The following KCNMB2 variants were observed in gnomAD, a reference collection of about 807,000 sequenced individuals.
The protein encoded by KCNMB2 is potassium calcium-activated channel subfamily M regulatory beta subunit 2.
Under a neutral mutation model 24.5 loss-of-function variants are expected in KCNMB2, and 9 were observed. That is an observed-to-expected ratio of 0.37 (90% CI 0.22 to 0.64). KCNMB2 has a LOEUF of 0.64. Among genes scored for constraint, KCNMB2 ranks in the 30% least tolerant of loss-of-function variants. The pLI is 0.63. For missense variants in KCNMB2, 226 were observed against 284.3 expected (o/e 0.79, Z 1.47); for synonymous variants, 109 against 104.4 (o/e 1.04, Z -0.27).
chr3:178,664,704 T>C (rs1378787548), intron 1 of KCNMB2, among the ~76,000 whole-genome samples: 1 of 151,364 alleles, frequency 6.6e-6, no homozygotes, highest in African/African-American at 2.4e-5. Flanking sequence ...GAAGGAAGAA[T>C]GGGAAGAAGG....
At chr3:178,564,277 CAA>C (rs11349304) in intron 1 of KCNMB2, among the ~76,000 whole-genome samples, 86 of 144,064 alleles carry the variant, frequency 6.0e-4, no homozygotes, top group Middle Eastern at 3.5e-3. Context: ...GACTCCATCT[CAA>C]AAAAAAAAAA....
rs572074119 is a variant in KCNMB2, at chr3:178,627,053, T to C, written c.-68+90342T>C. Among the ~76,000 whole-genome samples the C allele has an allele frequency of 1.1e-3, 164 of 152,024 alleles. 1 individual carries two copies. Among genetic ancestry groups the C allele is most frequent in the South Asian group, 1.0e-3 (5 of 4,818 alleles). On this transcript the variant is annotated intron_variant, in intron 1 of 4. Transcript: ENST00000452583. The stretch of plus-strand genomic sequence containing the variant: ...TAAACGCCTGTCTCCTGTGTAAAAT[T>C]ATTAAGTGCAATTAATGTCATCTTA...
intron 1 of KCNMB2, among the ~76,000 whole-genome samples, chr3:178,587,047 G>A (rs1717468667): frequency 6.6e-6 from 1 of 152,016 alleles, no homozygotes; most frequent in Non-Finnish European, 1.5e-5. Context: ...TAATAAAATA[G>A]TCTCTTCTTC....
chr3:178,596,217 A>G (rs1249192174), intron 1 of KCNMB2, among the ~76,000 whole-genome samples: 2 of 152,132 alleles, frequency 1.3e-5, no homozygotes, highest in East Asian at 3.9e-4. Context: ...ATTCCCATGC[A>G]TCCAGTTGCA....
chr3:178,744,716 G>A lies in KCNMB2; in HGVS notation c.-67-62627G>A, dbSNP rs200032567. 5.3e-3 allele frequency among the ~76,000 whole-genome samples: 773 copies of A among 145,412 alleles called. 31 individuals carry two copies. The East Asian group carries it at 0.098, about 18-fold the overall frequency. ...GGACACATAGGATCTTGTGGGATCC[G>A]AAAAAAAAAAAGGATTAGGCATGGC... On this transcript the variant is annotated intron_variant, in intron 1 of 4. Transcript: ENST00000452583.
At chr3:178,673,956 A>C (rs1359935001) in intron 1 of KCNMB2, among the ~76,000 whole-genome samples, 1 of 152,290 alleles carries the variant, frequency 6.6e-6, no homozygotes, top group Middle Eastern at 3.4e-3. Flanking sequence ...CCACTCTACC[A>C]ATCGTTTTAA....
Position 178,816,775 on chromosome 3 carries a change from C to T in KCNMB2, c.57-8813C>T, listed in dbSNP as rs78980473. 2.0e-5 allele frequency among the ~76,000 whole-genome samples: 3 copies of T among 152,142 alleles called. No homozygotes were observed. In the East Asian group the frequency reaches 5.8e-4, roughly 29 times the overall value. ...TGGTTTTACTTTCTTCTGTAGATGTCATTCTAGTTATTTTTTGTTATTTAT... is the reference window on the plus strand; with the variant it reads ...TGGTTTTACTTTCTTCTGTAGATGTTATTCTAGTTATTTTTTGTTATTTAT... On this transcript the variant is annotated intron_variant, in intron 2 of 4. Transcript: ENST00000452583.
At chr3:178,715,430 T>G (rs1296971884) in intron 1 of KCNMB2, among the ~76,000 whole-genome samples, 3 of 151,810 alleles carry the variant, frequency 2.0e-5, no homozygotes, top group Non-Finnish European at 4.4e-5. Flanking sequence ...AAAGATTCCT[T>G]CTGTGGGCTC....
At chr3:178,599,857 C>T (rs1718016162) in intron 1 of KCNMB2, among the ~76,000 whole-genome samples, 1 of 152,096 alleles carries the variant, frequency 6.6e-6, no homozygotes, top group African/African-American at 2.4e-5. Flanking sequence ...ACATATTCTG[C>T]AGTATTTCTC....
intron 1 of KCNMB2, among the ~76,000 whole-genome samples, chr3:178,783,700 A>G (rs1712972434): frequency 6.6e-6 from 1 of 151,900 alleles, no homozygotes; most frequent in Non-Finnish European, 1.5e-5. Context: ...GGGCTGAGAC[A>G]ATGGGGTTTT....
chr3:178,687,219 T>C lies in KCNMB2; in HGVS notation c.-67-120124T>C, dbSNP rs1316493900. Among the ~76,000 whole-genome samples, 6 of 152,008 alleles carry C rather than the reference T, an allele frequency of 3.9e-5. No individual in the cohort carries two copies. The East Asian group carries it at 9.7e-4, about 24-fold the overall frequency. ...TTTCCAAAATAAAGGCAGTGCCATT[T>C]AAAAAAAAGCTGACCCTGATTTACT... On this transcript the variant is annotated intron_variant, in intron 1 of 4. Coordinates refer to ENST00000452583, the MANE Select transcript of KCNMB2 (RefSeq NM_181361.3).
At chr3:178,750,180 A>G (rs1723795929) in intron 1 of KCNMB2, among the ~76,000 whole-genome samples, 1 of 152,012 alleles carries the variant, frequency 6.6e-6, no homozygotes, top group Admixed American at 6.6e-5. Flanking sequence ...TTACTCTGCC[A>G]GTAAGATACC....
At chr3:178,740,899 A>G (rs1723473456) in intron 1 of KCNMB2, among the ~76,000 whole-genome samples, 1 of 152,176 alleles carries the variant, frequency 6.6e-6, no homozygotes, top group Admixed American at 6.5e-5. Context: ...AAAGTAACAA[A>G]ACAATTTAAT....
chr3:178,585,322 C>T (rs1383281126), intron 1 of KCNMB2, among the ~76,000 whole-genome samples: 1 of 152,188 alleles, frequency 6.6e-6, no homozygotes, highest in Non-Finnish European at 1.5e-5. Context: ...GTTTTACCCC[C>T]ACAGGGTCAT....
chr3:178,805,924 C>T (rs975990787), intron 1 of KCNMB2, among the ~76,000 whole-genome samples: 4 of 152,108 alleles, frequency 2.6e-5, no homozygotes, highest in African/African-American at 9.7e-5. Flanking sequence ...AGGCATAAGC[C>T]ACCACAACTG....
chr3:178,742,599 G>A (rs1723530362), intron 1 of KCNMB2, among the ~76,000 whole-genome samples: 1 of 152,142 alleles, frequency 6.6e-6, no homozygotes, highest in Admixed American at 6.5e-5. Flanking sequence ...GTCTGTCACT[G>A]GTATAATTAA....
intron 1 of KCNMB2, among the ~76,000 whole-genome samples, chr3:178,799,011 G>A (rs1023649909): frequency 6.6e-6 from 1 of 151,304 alleles, no homozygotes; most frequent in Non-Finnish European, 1.5e-5. Context: ...AACAAACTAG[G>A]CATAGAAGGA....
intron 4 of KCNMB2, among the ~76,000 whole-genome samples, chr3:178,838,456 A>G (rs1050202360): frequency 6.6e-6 from 1 of 152,150 alleles, no homozygotes; most frequent in Non-Finnish European, 1.5e-5. Context: ...TGCTACAAGA[A>G]CAGCACATTA....
At position 178,843,771 on chromosome 3, in the gene KCNMB2, A is replaced by G. The variant is rs1715513171; in HGVS notation, c.*834A>G. On this transcript the variant is annotated 3_prime_UTR_variant, in exon 5 of 5. Coordinates refer to ENST00000452583, the MANE Select transcript of KCNMB2 (RefSeq NM_181361.3). ...TTTATTTCACTTCAATTTAACCATT[A>G]GATGGTAAAATTAAGATGCTACTTG... 1.3e-5 allele frequency: 2 copies of G among 152,186 alleles called. No individual in the cohort carries two copies. The highest frequency in any genetic ancestry group is 2.9e-5 in the Non-Finnish European group (2 of 68,024). The allele number at this position is 152,186 out of a possible 1,614,324, so 9.4% of individuals were successfully genotyped here.
Sources: allele counts gnomAD v4.1 joint callset (sites outside exome capture counted in the v4.1 genomes callset), GRCh38; gene constraint gnomAD v4.1.1; transcripts MANE v1.5; gene names NCBI Gene and HGNC (gene_info 2026-07-23, HGNC 2026-07-21).